ST6GAL2: variants seen among roughly 807,000 people sequenced by gnomAD.
The protein encoded by ST6GAL2 is beta-galactoside alpha-2,6-sialyltransferase 2.
ST6GAL2 carries 24 observed loss-of-function variants against 37.5 expected under a neutral mutation model. The ratio of observed to expected loss-of-function variants is 0.64; its 90% CI spans 0.46 to 0.90. The LOEUF (loss-of-function observed/expected upper bound fraction) is 0.90, where lower values mean the gene tolerates loss of function less well. ST6GAL2 is among the 40% of genes least tolerant of loss of function. The pLI, the probability that ST6GAL2 is intolerant of heterozygous loss-of-function variation, is 0.00. For missense variants in ST6GAL2, 715 were observed against 712.7 expected (o/e 1.00, Z -0.04); for synonymous variants, 306 against 295.1 (o/e 1.04, Z -0.38).
At chr2:106,852,724 G>A (rs537713909) in intron 1 of ST6GAL2, among the ~76,000 whole-genome samples, 1 of 152,314 alleles carries the variant, frequency 6.6e-6, no homozygotes, top group Admixed American at 6.5e-5. Flanking sequence ...CCTGGCAGAG[G>A]TGTCTGGGTG....
chr2:106,885,189 C>T (rs1489822056), intron 1 of ST6GAL2, among the ~76,000 whole-genome samples: 1 of 151,784 alleles, frequency 6.6e-6, no homozygotes, highest in East Asian at 1.9e-4. Context: ...GCAGGCAGTC[C>T]TCGGCGAGGA....
intron 1 of ST6GAL2, among the ~76,000 whole-genome samples, chr2:106,859,504 T>C (rs1249349025): frequency 6.6e-6 from 1 of 152,352 alleles, no homozygotes; most frequent in South Asian, 2.1e-4. Context: ...TATTCTTCTT[T>C]CCTTCCTTAG....
chr2:106,883,077 T>C (rs1462060804), intron 1 of ST6GAL2, among the ~76,000 whole-genome samples: 1 of 152,180 alleles, frequency 6.6e-6, no homozygotes, highest in African/African-American at 2.4e-5. Context: ...CTGGACCAGA[T>C]CACCAACTCC....
In ST6GAL2 at chr2:106,834,139, A is replaced by G. The variant is rs753403559; in HGVS notation, c.951T>C (p.His317=). Residue 317 remains histidine, a synonymous_variant, in exon 3 of 6, where the codon CAT becomes CAC. Coordinates refer to ENST00000409382, the MANE Select transcript of ST6GAL2 (RefSeq NM_001142351.2). ...NSSLGEEIDS[H]DAVLRFNSAP... Reference sequence around the variant, plus strand: ...CAGAGTTAAATCTCAAAACCGCATCATGAGAATCTAAGGGCACATAAGTGA... The same window carrying G: ...CAGAGTTAAATCTCAAAACCGCATCGTGAGAATCTAAGGGCACATAAGTGA... The G allele has an allele frequency of 6.2e-7, 1 of 1,612,030 alleles. No individual in the cohort carries two copies. The highest frequency in any genetic ancestry group is 2.2e-5 in the East Asian group (1 of 44,760).
chr2:106,885,062 A>T (rs1482603903), intron 1 of ST6GAL2, among the ~76,000 whole-genome samples: 1 of 151,392 alleles, frequency 6.6e-6, no homozygotes, highest in Non-Finnish European at 1.5e-5. Flanking sequence ...AAAAATGTTG[A>T]TCAGAATTTC....
At chr2:106,884,184 G>GC (rs1678866718) in intron 1 of ST6GAL2, among the ~76,000 whole-genome samples, 1 of 152,074 alleles carries the variant, frequency 6.6e-6, no homozygotes, top group Non-Finnish European at 1.5e-5. Context: ...CAGTCCCTTC[G>GC]CTATTTAATC....
intron 1 of ST6GAL2, among the ~76,000 whole-genome samples, chr2:106,863,947 T>C (rs1677915144): frequency 6.6e-6 from 1 of 152,178 alleles, no homozygotes; most frequent in African/African-American, 2.4e-5. Context: ...AAAACGCAAC[T>C]ACCTGGGTTC....
chr2:106,864,907 A>T (rs555308554), intron 1 of ST6GAL2, among the ~76,000 whole-genome samples: 24 of 152,330 alleles, frequency 1.6e-4, no homozygotes, highest in Admixed American at 1.2e-3. Context: ...TGTGCTATTA[A>T]ATGTTTTACA....
intron 5 of ST6GAL2, among the ~76,000 whole-genome samples, chr2:106,823,632 G>C (rs979234400): frequency 6.6e-6 from 1 of 152,132 alleles, no homozygotes; most frequent in African/African-American, 2.4e-5. Context: ...AGTATGTTAT[G>C]CTTTTTGAGA....
chr2:106,813,073 A>G, intron 5 of ST6GAL2: 1 of 1,230,564 alleles, frequency 8.1e-7, no homozygotes, highest in Non-Finnish European at 1.0e-6. Flanking sequence ...AGCTGTTTTG[A>G]ATCTTTAAAC....
chr2:106,829,555 C>T (rs1459306287), intron 5 of ST6GAL2, among the ~76,000 whole-genome samples: 1 of 152,156 alleles, frequency 6.6e-6, no homozygotes, highest in East Asian at 1.9e-4. Context: ...CACCAGATAA[C>T]CCCCATGGAT....
chr2:106,885,087 T>G, intron 1 of ST6GAL2, among the ~76,000 whole-genome samples: 1 of 151,532 alleles, frequency 6.6e-6, no homozygotes, highest in Non-Finnish European at 1.5e-5. Context: ...AAGGGAAGCA[T>G]CAAAGTAACC....
chr2:106,886,270 C>T (rs1678989091), upstream of ST6GAL2: 3 of 152,200 alleles, frequency 2.0e-5, no homozygotes, highest in South Asian at 6.2e-4. Flanking sequence ...AGCTGGGACC[C>T]TGGCCGGGGT....
At chr2:106,885,099 G>A (rs1166686930) in intron 1 of ST6GAL2, among the ~76,000 whole-genome samples, 2 of 151,524 alleles carry the variant, frequency 1.3e-5, no homozygotes, top group Admixed American at 6.6e-5. Flanking sequence ...AAAGTAACCA[G>A]CATGGGGTTT....
chr2:106,840,108 C>T (rs1300861381), intron 2 of ST6GAL2, among the ~76,000 whole-genome samples: 1 of 152,180 alleles, frequency 6.6e-6, no homozygotes, highest in East Asian at 1.9e-4. Context: ...ATGGAGAGGG[C>T]TCCTCCTGGC....
intron 1 of ST6GAL2, among the ~76,000 whole-genome samples, chr2:106,873,002 T>C (rs1368301133): frequency 6.6e-6 from 1 of 151,802 alleles, no homozygotes. Context: ...CTTTGGGAGG[T>C]TGCAAAATTT....
At chr2:106,814,771 G>A (rs1414466661) in intron 5 of ST6GAL2, among the ~76,000 whole-genome samples, 10 of 152,284 alleles carry the variant, frequency 6.6e-5, no homozygotes, top group African/African-American at 2.2e-4. Flanking sequence ...ATGTCATTAC[G>A]TGGGCAAAAT....
At chr2:106,848,017 G>A (rs1338122657) in intron 1 of ST6GAL2, among the ~76,000 whole-genome samples, 6 of 151,686 alleles carry the variant, frequency 4.0e-5, no homozygotes, top group East Asian at 1.9e-4. Flanking sequence ...CAAAAAGTTT[G>A]AACCCTGTAA....
chr2:106,877,897 C>G (rs1573325422), intron 1 of ST6GAL2, among the ~76,000 whole-genome samples: 1 of 152,188 alleles, frequency 6.6e-6, no homozygotes, highest in African/African-American at 2.4e-5. Context: ...TTCTAAGGAA[C>G]AGCCTTGTGA....
Sources: gnomAD v4.1 joint callset for allele counts (sites outside exome capture counted in the v4.1 genomes callset) on GRCh38, gnomAD v4.1.1 for gene constraint, MANE v1.5 for transcripts, NCBI Gene and HGNC (gene_info 2026-07-23, HGNC 2026-07-21) for gene names.